DLGAP2: variants seen among roughly 807,000 people sequenced by gnomAD.
DLGAP2 encodes DLG associated protein 2.
In DLGAP2, 26 loss-of-function variants were observed where a neutral mutation model predicts 100.3. The ratio of observed to expected loss-of-function variants is 0.26; its 90% CI spans 0.19 to 0.36. DLGAP2 has a LOEUF of 0.36. DLGAP2 is among the 10% of genes least tolerant of loss of function. The pLI, the probability that DLGAP2 is intolerant of heterozygous loss-of-function variation, is 1.00. For missense variants in DLGAP2, 1,858 were observed against 1,453.2 expected (o/e 1.28, Z -4.53); for synonymous variants, 886 against 630.1 (o/e 1.41, Z -6.08).
intron 2 of DLGAP2, among the ~76,000 whole-genome samples, chr8:1,086,115 A>G (rs917048330): frequency 5.9e-5 from 9 of 152,262 alleles, no homozygotes; most frequent in African/African-American, 1.9e-4. Context: ...TGTTGATTTT[A>G]TATCCTGCCA....
rs1184072865 is a variant in DLGAP2 at position 1,502,567 on chromosome 8, A to T, written c.172+1136A>T. On this transcript the variant is annotated intron_variant, in intron 4 of 14. Transcript: ENST00000637795. ...TCTACACAGCCTTTCTTCACTCGGAAATAGACGAGTGAAAGTATTTCGACT... is the reference window on the plus strand; with the variant it reads ...TCTACACAGCCTTTCTTCACTCGGATATAGACGAGTGAAAGTATTTCGACT... Among the ~76,000 whole-genome samples the T allele has an allele frequency of 2.6e-5, 4 of 152,256 alleles. No homozygotes were observed. In the East Asian group the frequency reaches 5.8e-4, roughly 22 times the overall value.
Position 1,295,426 on chromosome 8 carries a change from C to T in DLGAP2, c.106+36543C>T, listed in dbSNP as rs976613132. 1.1e-4 allele frequency among the ~76,000 whole-genome samples: 17 copies of T among 152,158 alleles called. 1 individual carries two copies. Among genetic ancestry groups the T allele is most frequent in the Admixed American group, 7.2e-4 (11 of 15,282 alleles). The stretch of plus-strand genomic sequence containing the variant: ...TTCTCCCTGGGAAGCTTCTTCCGGC[C>T]GCCAGGAGGGGAGGGAAGCCAGGAA... On this transcript the variant is annotated intron_variant, in intron 3 of 14. Transcript: ENST00000637795.
chr8:742,046 C>A (rs74379687), intron 1 of DLGAP2, among the ~76,000 whole-genome samples: 2 of 152,146 alleles, frequency 1.3e-5, no homozygotes, highest in Non-Finnish European at 2.9e-5. Flanking sequence ...TATGCCTGAA[C>A]CATCATTACC....
In DLGAP2 at chr8:1,254,977, G is replaced by A. The variant is rs1470709790; in HGVS notation, c.74-3874G>A. ...GTGTGTGTGTCCTCTCATCCTGTCC[G>A]GGTGCTGTGTGTGTGTCCTCTCATC... On this transcript the variant is annotated intron_variant, in intron 2 of 14. Transcript: ENST00000637795. Among the ~76,000 whole-genome samples, 105 of 87,032 alleles carry A rather than the reference G, an allele frequency of 1.2e-3. 1 individual carries two copies. The highest frequency in any genetic ancestry group is 3.6e-3 in the African/African-American group (72 of 20,086). 57.1% of individuals were successfully genotyped at this position (87,032 alleles called of 152,430 possible). A position where few individuals can be genotyped will look rare whatever the true frequency, so the allele number is the denominator to read the frequency against.
At chr8:1,376,768 A>G (rs113294974) in intron 3 of DLGAP2, among the ~76,000 whole-genome samples, 5,573 of 124,800 alleles carry the variant, frequency 0.045, 580 homozygotes, top group East Asian at 0.27. Flanking sequence ...GGACAGGGCT[A>G]CCGAGACCCT....
At chr8:981,683 G>C (rs1800336216) in intron 2 of DLGAP2, among the ~76,000 whole-genome samples, 1 of 152,104 alleles carries the variant, frequency 6.6e-6, no homozygotes, top group Non-Finnish European at 1.5e-5. Context: ...GTGACGTTGA[G>C]CACCTTTCAT....
chr8:1,673,511 T>C (rs1798739806), intron 10 of DLGAP2, among the ~76,000 whole-genome samples: 2 of 152,232 alleles, frequency 1.3e-5, no homozygotes, highest in Admixed American at 6.5e-5. Flanking sequence ...AAAGATTTCA[T>C]AAAAGACAGC....
At chr8:1,001,758 G>A (rs1800963473) in intron 2 of DLGAP2, among the ~76,000 whole-genome samples, 1 of 152,102 alleles carries the variant, frequency 6.6e-6, no homozygotes, top group African/African-American at 2.4e-5. Context: ...ACATTTGAAT[G>A]TCCTTCCTCC....
At chr8:1,695,751 C>T (rs1799381893) in intron 13 of DLGAP2, among the ~76,000 whole-genome samples, 1 of 152,260 alleles carries the variant, frequency 6.6e-6, no homozygotes. Context: ...GAGCAGCCTC[C>T]CCTGCTGCTT....
intron 14 of DLGAP2, among the ~76,000 whole-genome samples, chr8:1,700,485 G>A (rs1799536254): frequency 6.6e-6 from 1 of 152,132 alleles, no homozygotes; most frequent in Admixed American, 6.5e-5. Context: ...CAGACCTTTT[G>A]TGGGAACAAG....
chr8:1,243,207 C>T (rs766573585), intron 2 of DLGAP2, among the ~76,000 whole-genome samples: 10 of 152,178 alleles, frequency 6.6e-5, no homozygotes, highest in East Asian at 1.9e-4. Context: ...AGTGAGGACC[C>T]GCCTGGCCTT....
intron 1 of DLGAP2, among the ~76,000 whole-genome samples, chr8:864,050 G>A (rs140897079): frequency 2.0e-5 from 3 of 152,336 alleles, no homozygotes; most frequent in East Asian, 1.9e-4. Context: ...TTGCGGCAAC[G>A]TGGATAAACC....
At position 1,626,911 on chromosome 8, in the gene DLGAP2, C is replaced by G. The variant is rs763405373; in HGVS notation, c.1590+24C>G. On this transcript the variant is annotated intron_variant, in intron 7 of 14. Transcript: ENST00000637795. The stretch of plus-strand genomic sequence containing the variant: ...AGGTCAGGGTCCCTTCGCCCTTTCT[C>G]CCTGGGGTCCAGTCTCCCCAGCCAG... 2.6e-6 allele frequency: 4 copies of G among 1,568,328 alleles called. No homozygotes were observed. The South Asian group carries it at 3.5e-5, about 14-fold the overall frequency.
chr8:1,512,021 C>A (rs960922777), intron 4 of DLGAP2, among the ~76,000 whole-genome samples: 1 of 152,248 alleles, frequency 6.6e-6, no homozygotes, highest in African/African-American at 2.4e-5. Context: ...ACACATCTGA[C>A]TAACAATCTT....
chr8:1,054,709 A>G (rs556217375), intron 2 of DLGAP2, among the ~76,000 whole-genome samples: 2 of 152,320 alleles, frequency 1.3e-5, no homozygotes, highest in African/African-American at 4.8e-5. Context: ...AATTAACATT[A>G]TTTGGAAGGT....
In DLGAP2 at chr8:1,156,642, T is replaced by TCAGCGCCCCAGCC. The variant is rs143757998; in HGVS notation, c.74-102196_74-102184dup. ...CAGCGCCCCAGCCCAGCGCCCCGGC[T>TCAGCGCCCCAGCC]CAGCGCCCCAGCCCAGCGCCCCAGC... On this transcript the variant is annotated intron_variant, in intron 2 of 14. Transcript: ENST00000637795. Among the ~76,000 whole-genome samples, 108 of 147,236 alleles carry TCAGCGCCCCAGCC rather than the reference T, an allele frequency of 7.3e-4. 1 individual carries two copies. The highest frequency in any genetic ancestry group is 1.1e-3 in the Non-Finnish European group (76 of 66,782).
At chr8:812,383 C>A (rs1202653381) in intron 1 of DLGAP2, among the ~76,000 whole-genome samples, 1 of 152,182 alleles carries the variant, frequency 6.6e-6, no homozygotes, top group Non-Finnish European at 1.5e-5. Context: ...GAAGTCCCTG[C>A]CTCCCAGCCT....
intron 10 of DLGAP2, among the ~76,000 whole-genome samples, chr8:1,673,939 A>C (rs1005736157): frequency 3.9e-5 from 6 of 152,200 alleles, no homozygotes; most frequent in Admixed American, 6.5e-5. Flanking sequence ...CATGCCTGTG[A>C]CTGCGAGTGT....
intron 3 of DLGAP2, among the ~76,000 whole-genome samples, chr8:1,329,870 C>G (rs142791845): frequency 6.6e-6 from 1 of 152,318 alleles, no homozygotes; most frequent in African/African-American, 2.4e-5. Flanking sequence ...AGAACCTTGT[C>G]TTCTAGCTCT....
Sources: allele counts gnomAD v4.1 joint callset (sites outside exome capture counted in the v4.1 genomes callset), GRCh38; gene constraint gnomAD v4.1.1; transcripts MANE v1.5; gene names NCBI Gene and HGNC (gene_info 2026-07-23, HGNC 2026-07-21).